The following HOXD11 variants were observed in gnomAD, a reference collection of about 807,000 sequenced individuals.
HOXD11 encodes the protein homeobox protein Hox-D11.
Under a neutral mutation model 23.1 loss-of-function variants are expected in HOXD11, and 16 were observed. The observed-to-expected ratio is 0.69, with a 90% CI of 0.47 to 1.05. The LOEUF (loss-of-function observed/expected upper bound fraction) is 1.05, where lower values mean the gene tolerates loss of function less well. Among genes scored for constraint, HOXD11 ranks in the 50% least tolerant of loss-of-function variants. HOXD11 has a pLI of 0.00. For missense variants in HOXD11, 564 were observed against 495.6 expected, an observed-to-expected ratio of 1.14 and a Z score of -1.31; for synonymous variants, 262 against 224.4, an observed-to-expected ratio of 1.17 and a Z score of -1.50.
downstream of HOXD11, among the ~76,000 whole-genome samples, chr2:176,112,101 G>A (rs900082016): frequency 6.6e-6 from 1 of 152,194 alleles, no homozygotes; most frequent in Non-Finnish European, 1.5e-5. Flanking sequence ...GACACGGGAG[G>A]CAGCAGGCAC....
chr2:176,108,659 C>G (rs1386104153), intron 1 of HOXD11: 458 of 325,924 alleles, frequency 1.4e-3, no homozygotes, highest in South Asian at 5.1e-3. Context: ...GTGCCAGGCT[C>G]TGTGTGTGTG....
chr2:176,111,835 A>AAAAAAAAAAAAAAAAC (rs1559115502), downstream of HOXD11, among the ~76,000 whole-genome samples: 3 of 147,030 alleles, frequency 2.0e-5, no homozygotes, highest in Non-Finnish European at 4.5e-5. Context: ...GCAAAAAAAA[A>AAAAAAAAAAAAAAAAC]AAAAAAAAAA....
At chr2:176,115,205 C>T in the HOXD11 span, among the ~76,000 whole-genome samples, 1 of 152,184 alleles carries the variant, frequency 6.6e-6, no homozygotes, top group African/African-American at 2.4e-5. Context: ...AACCCCAGAC[C>T]ATATCCTCTT....
At chr2:176,114,733 C>A (rs1400681859), downstream of HOXD11, among the ~76,000 whole-genome samples, 1 of 152,170 alleles carries the variant, frequency 6.6e-6, no homozygotes, top group African/African-American at 2.4e-5. Flanking sequence ...AATGCTGAGG[C>A]GCTTTAATGA....
At chr2:176,113,616 C>T (rs1371423496), downstream of HOXD11, among the ~76,000 whole-genome samples, 1 of 152,186 alleles carries the variant, frequency 6.6e-6, no homozygotes, top group East Asian at 1.9e-4. Context: ...GCACACTTTC[C>T]ATCCTTTGGG....
At chr2:176,111,840 A>AAAAAAAAAAAAAAAAAAAAAAAAC (rs1553518459), downstream of HOXD11, among the ~76,000 whole-genome samples, 2 of 140,858 alleles carry the variant, frequency 1.4e-5, no homozygotes, top group Non-Finnish European at 1.6e-5. Context: ...AAAAAAAAAA[A>AAAAAAAAAAAAAAAAAAAAAAAAC]AAAAAAAAAC....
Position 176,107,330 on chromosome 2 carries a change from C to T in HOXD11, c.-26C>T, listed in dbSNP as rs1266510695. On this transcript the variant is annotated 5_prime_UTR_variant, in exon 1 of 2. Coordinates refer to ENST00000249504, the MANE Select transcript of HOXD11 (RefSeq NM_021192.3). ...TGGCTGCGCGGGGAGCGGCCAGAGG[C>T]TCGCTGGCGCGCACGCCGCGGAGTC... The T allele has an allele frequency of 6.4e-7, 1 of 1,556,322 alleles. No individual in the cohort carries two copies.
rs928547263 is a variant in HOXD11, at chr2:176,107,964, G to A, written c.609G>A (p.Gln203=). 2.4e-4 allele frequency: 342 copies of A among 1,422,724 alleles called. No individual in the cohort carries two copies. Among genetic ancestry groups the A allele is most frequent in the Admixed American group, 1.4e-3 (50 of 34,716 alleles). 88.1% of individuals were successfully genotyped at this position (1,422,724 alleles called of 1,614,324 possible). Residue 203 remains glutamine, a synonymous_variant, in exon 1 of 2, where the codon CAG becomes CAA. Transcript: ENST00000249504. The stretch of plus-strand genomic sequence containing the variant: ...CCCCGCCGCCACCCGCGCCGCCACA[G>A]CCCGAGGGCGCAGCCGACAAGGGCG... ...PQPPPPPAPP[Q]PEGAADKGDP...
chr2:176,111,542 G>C (rs1450939211), downstream of HOXD11: 1 of 151,434 alleles, frequency 6.6e-6, no homozygotes, highest in Admixed American at 6.6e-5. Context: ...TTTGTTCTAA[G>C]CAGCCATGAG....
chr2:176,108,452 C>G (rs1689620750), intron 1 of HOXD11, among the ~76,000 whole-genome samples: 1 of 150,030 alleles, frequency 6.7e-6, no homozygotes, highest in African/African-American at 2.5e-5. Flanking sequence ...GTGCATACAC[C>G]GGAGCCTCCT....
downstream of HOXD11, among the ~76,000 whole-genome samples, chr2:176,110,590 A>T (rs1689659976): frequency 6.6e-6 from 1 of 152,256 alleles, no homozygotes; most frequent in African/African-American, 2.4e-5. Context: ...GGAAAAAATA[A>T]GTGCATAAAT....
downstream of HOXD11, among the ~76,000 whole-genome samples, chr2:176,110,346 G>A (rs1469938833): frequency 6.6e-6 from 1 of 152,164 alleles, no homozygotes; most frequent in African/African-American, 2.4e-5. Context: ...GCTTAATTGG[G>A]TTATATTATA....
chr2:176,109,439 A>T lies in HOXD11; in HGVS notation c.*297A>T. On this transcript the variant is annotated 3_prime_UTR_variant, in exon 2 of 2. Coordinates refer to ENST00000249504, the MANE Select transcript of HOXD11 (RefSeq NM_021192.3). The stretch of plus-strand genomic sequence containing the variant: ...CCCCTCTCCGAGTCCTCGTGGGGAC[A>T]CGGCGGGGTCTGTAGGAAGTTGGGC... The T allele has an allele frequency of 2.8e-6, 1 of 362,816 alleles. No individual in the cohort carries two copies. Among genetic ancestry groups the T allele is most frequent in the Non-Finnish European group, 5.0e-6 (1 of 198,376 alleles). The allele number at this position is 362,816 out of a possible 1,614,324, so 22.5% of individuals were successfully genotyped here.
At chr2:176,110,804 G>A (rs190275086), downstream of HOXD11, among the ~76,000 whole-genome samples, 162 of 152,266 alleles carry the variant, frequency 1.1e-3, no homozygotes, top group African/African-American at 3.5e-3. Flanking sequence ...CCTAATTTCA[G>A]GATCAATAAC....
downstream of HOXD11, among the ~76,000 whole-genome samples, chr2:176,111,826 C>CA (rs1176283938): frequency 0.2 from 4,574 of 22,568 alleles, 693 homozygotes; most frequent in Non-Finnish European, 0.22. Context: ...CTCCCCCCCG[C>CA]AAAAAAAAAA....
chr2:176,113,228 T>C (rs1219574300), downstream of HOXD11, among the ~76,000 whole-genome samples: 1 of 152,066 alleles, frequency 6.6e-6, no homozygotes, highest in African/African-American at 2.4e-5. Context: ...AGCCCAGAGG[T>C]GGCTCAGAAC....
At chr2:176,114,434 G>C (rs1236037639), downstream of HOXD11, among the ~76,000 whole-genome samples, 2 of 152,176 alleles carry the variant, frequency 1.3e-5, no homozygotes, top group Non-Finnish European at 2.9e-5. Context: ...GGATGCTGCA[G>C]CCAAAGCAGT....
Position 176,107,640 on chromosome 2 carries a change from GGGC to G in HOXD11, c.296_298del (p.Gly99del). On this transcript the variant is annotated inframe_deletion, in exon 1 of 2. Transcript: ENST00000249504. ...GCAGCAGCGGGGGCGGCCCCGGCGG[GGGC>G]GGCGGCGGCGCGGGGGGCTACGCTC... The G allele has an allele frequency of 2.0e-6, 2 of 976,140 alleles. No individual in the cohort carries two copies. The highest frequency in any genetic ancestry group is 2.4e-6 in the Non-Finnish European group (2 of 823,340). The allele number at this position is 976,140 out of a possible 1,614,324, so 60.5% of individuals were successfully genotyped here. A position where few individuals can be genotyped will look rare whatever the true frequency, so the allele number is the denominator to read the frequency against.
downstream of HOXD11, among the ~76,000 whole-genome samples, chr2:176,110,106 G>C (rs1299499009): frequency 6.6e-6 from 1 of 152,212 alleles, no homozygotes; most frequent in East Asian, 1.9e-4. Context: ...GTCATCAGTA[G>C]GTGGAGAGGG....
Sources: allele counts gnomAD v4.1 joint callset (sites outside exome capture counted in the v4.1 genomes callset), GRCh38; gene constraint gnomAD v4.1.1; transcripts MANE v1.5; gene names NCBI Gene and HGNC (gene_info 2026-07-23, HGNC 2026-07-21).